Variants in GPATCH8 observed in about 807,000 individuals in gnomAD.
GPATCH8 encodes G patch domain-containing protein 8.
Under a neutral mutation model 118.3 loss-of-function variants are expected in GPATCH8, and 18 were observed. The ratio of observed to expected loss-of-function variants is 0.15; its 90% CI spans 0.11 to 0.23. The LOEUF (loss-of-function observed/expected upper bound fraction) is 0.23. Ranked by LOEUF, GPATCH8 falls within the 10% of genes least tolerant of loss-of-function variation. The pLI, the probability that GPATCH8 is intolerant of heterozygous loss-of-function variation, is 1.00. For synonymous variants in GPATCH8, 659 were observed against 684.7 expected, an observed-to-expected ratio of 0.96 and a Z score of 0.59; for missense variants, 1,631 against 1,873.8, an observed-to-expected ratio of 0.87 and a Z score of 2.39.
In GPATCH8 at chr17:44,400,761, G is replaced by C; in HGVS notation, c.1316C>G (p.Ser439Cys). 3 of 1,613,890 alleles carry C rather than the reference G, an allele frequency of 1.9e-6. No individual in the cohort carries two copies. Among genetic ancestry groups the C allele is most frequent in the Non-Finnish European group, 2.5e-6 (3 of 1,179,788 alleles). The change falls in exon 8 of 8, where the codon TCT becomes TGT. Residue 439 changes from serine to cysteine, a missense_variant. Physicochemically the swap from Ser to Cys is moderately radical, Grantham distance 112 (BLOSUM62 -1). This residue lies in a region of GPATCH8 where 405 missense variants were observed against 462.7 expected (regional missense o/e 0.88). Transcript: ENST00000591680. Reference protein sequence around the residue: ...KNAPESKKGSSPKPKSCIKAA... With the variant: ...KNAPESKKGSCPKPKSCIKAA... Reference sequence around the variant, plus strand: ...CTTGATGCAGCTTTTAGGCTTGGGAGAACTGCCTTTTTTACTCTCTGGGGC... The same window carrying C: ...CTTGATGCAGCTTTTAGGCTTGGGACAACTGCCTTTTTTACTCTCTGGGGC...
chr17:44,469,159 C>T (rs1195638893), intron 2 of GPATCH8, among the ~76,000 whole-genome samples: 2 of 152,052 alleles, frequency 1.3e-5, no homozygotes, highest in Admixed American at 6.6e-5. Flanking sequence ...CTAATAAACA[C>T]GTGAGAAAAG....
In GPATCH8 at chr17:44,400,455, A is replaced by C. The variant is rs1020860641; in HGVS notation, c.1622T>G (p.Leu541Trp). The part of the protein sequence containing the change: ...KHPTGPFFPV[L>W]SKDESTALQW... ...GAGGGCAGTGCTTTCATCTTTGCTC[A>C]AAACTGGGAAGAAGGGACCAGTAGG... The change falls in exon 8 of 8, where the codon TTG (leucine) becomes TGG (tryptophan). Residue 541 changes from leucine to tryptophan, a missense_variant. Physicochemically the swap from Leu to Trp is moderately conservative, Grantham distance 61. Transcript: ENST00000591680. 4 of 1,614,094 alleles carry C rather than the reference A, an allele frequency of 2.5e-6. No individual in the cohort carries two copies. The highest frequency in any genetic ancestry group is 3.4e-6 in the Non-Finnish European group (4 of 1,180,026).
chr17:44,424,013 G>A (rs565459647), intron 6 of GPATCH8, among the ~76,000 whole-genome samples: 2 of 152,218 alleles, frequency 1.3e-5, no homozygotes, highest in East Asian at 3.9e-4. Flanking sequence ...AAAGTTTAAC[G>A]CGTTAAGAGC....
chr17:44,476,941 T>C (rs1487392069), intron 1 of GPATCH8, among the ~76,000 whole-genome samples: 1 of 152,192 alleles, frequency 6.6e-6, no homozygotes, highest in African/African-American at 2.4e-5. Flanking sequence ...AAAATATCAA[T>C]TTTCTGGTTC....
chr17:44,447,460 A>C (rs2050930826), intron 3 of GPATCH8, among the ~76,000 whole-genome samples: 1 of 152,086 alleles, frequency 6.6e-6, no homozygotes, highest in Admixed American at 6.6e-5. Context: ...CCCAGCCAAT[A>C]AACTTCTTCC....
Position 44,411,818 on chromosome 17 carries a change from G to A in GPATCH8, c.493-5767C>T, listed in dbSNP as rs12450343. On this transcript the variant is annotated intron_variant, in intron 6 of 7. Coordinates refer to ENST00000591680, the MANE Select transcript of GPATCH8 (RefSeq NM_001002909.4). ...TGCGCAGTAAATATTTATCAAACTG[G>A]GTTGTGGCTCACACCTGTACTCTCA... Among the ~76,000 whole-genome samples the A allele has an allele frequency of 4.3e-3, 662 of 152,194 alleles. 10 individuals are homozygous for A. The highest frequency in any genetic ancestry group is 0.015 in the African/African-American group (609 of 41,506).
chr17:44,500,773 GACTTGTTTTCAAGTATAGTCAGTGGCTTC>G (rs1969998282), intron 1 of GPATCH8, among the ~76,000 whole-genome samples: 1 of 152,194 alleles, frequency 6.6e-6, no homozygotes, highest in Non-Finnish European at 1.5e-5. Flanking sequence ...AACCTACTAT[GACTTGTTTTCAAGTATAGTCAGTGGCTTC>G]ACCCAAAACC....
chr17:44,439,093 CAACT>C (rs1380223644), intron 3 of GPATCH8, among the ~76,000 whole-genome samples: 10 of 152,136 alleles, frequency 6.6e-5, no homozygotes, highest in Non-Finnish European at 1.3e-4. Context: ...TCTATCAGAT[CAACT>C]AACTGGACAG....
intron 1 of GPATCH8, among the ~76,000 whole-genome samples, chr17:44,501,383 C>T (rs1317168723): frequency 6.6e-6 from 1 of 151,374 alleles, no homozygotes; most frequent in Non-Finnish European, 1.5e-5. Flanking sequence ...TGCCACTGCA[C>T]TCCAGCCTGG....
chr17:44,464,322 A>C lies in GPATCH8; in HGVS notation c.193+150T>G, dbSNP rs542636043. On this transcript the variant is annotated intron_variant, in intron 3 of 7. Transcript: ENST00000591680. The stretch of plus-strand genomic sequence containing the variant: ...GAGGCTTAACAGTGACTTAAAATAC[A>C]GTTATAGGACAAACAGACTACTCTA... 8.3e-6 allele frequency: 6 copies of C among 720,752 alleles called. 1 individual carries two copies. Among genetic ancestry groups the C allele is most frequent in the South Asian group, 5.9e-5 (4 of 67,576 alleles). The allele number at this position is 720,752 out of a possible 1,614,324, so 44.6% of individuals were successfully genotyped here.
In GPATCH8 at chr17:44,398,536, G is replaced by A. The variant is rs781095041; in HGVS notation, c.3541C>T (p.Pro1181Ser). The A allele has an allele frequency of 6.3e-7, 1 of 1,592,218 alleles. No individual in the cohort carries two copies. The change falls in exon 8 of 8, where the codon CCC (proline) becomes TCC (serine). Residue 1181 changes from proline (P) to serine (S), a missense_variant. This residue lies in a region of GPATCH8 where 922 missense variants were observed against 879.7 expected (regional missense o/e 1.05). Coordinates refer to ENST00000591680, the MANE Select transcript of GPATCH8 (RefSeq NM_001002909.4). ...AATAGGGCATCACTACTCCCTGGGG[G>A]CCCCTCTTCTGTCTCTGACTGTTCT... ...EQEQSETEEGPPGSSDALFGH... is the reference protein window; with the variant it reads ...EQEQSETEEGSPGSSDALFGH...
intron 2 of GPATCH8, among the ~76,000 whole-genome samples, chr17:44,468,971 G>A (rs1423251759): frequency 6.6e-6 from 1 of 152,118 alleles, no homozygotes; most frequent in Non-Finnish European, 1.5e-5. Context: ...CAAAATGGTG[G>A]CTGTGCGGCC....
chr17:44,490,843 T>G (rs577558706), intron 1 of GPATCH8, among the ~76,000 whole-genome samples: 1 of 152,318 alleles, frequency 6.6e-6, no homozygotes, highest in East Asian at 1.9e-4. Context: ...AAGTCAAGGA[T>G]TCTACTTCCA....
rs774440476 is a variant in GPATCH8, at chr17:44,396,346, T to C, written c.*1222A>G. 29 of 454,362 alleles carry C rather than the reference T, an allele frequency of 6.4e-5. No individual in the cohort carries two copies. The highest frequency in any genetic ancestry group is 2.5e-4 in the South Asian group (16 of 64,480). 28.1% of individuals were successfully genotyped at this position (454,362 alleles called of 1,614,324 possible). A position where few individuals can be genotyped will look rare whatever the true frequency, so the allele number is the denominator to read the frequency against. The stretch of plus-strand genomic sequence containing the variant: ...CTCTGTGTAAAACAGCAAAAGTACA[T>C]GAGGGAGACTGTTAAAGATGAGCAT... On this transcript the variant is annotated 3_prime_UTR_variant, in exon 8 of 8. Transcript: ENST00000591680.
chr17:44,478,360 C>G (rs1967935240), intron 1 of GPATCH8, among the ~76,000 whole-genome samples: 1 of 152,058 alleles, frequency 6.6e-6, no homozygotes, highest in South Asian at 2.1e-4. Context: ...TTTAATGATA[C>G]AGGAATAAAC....
chr17:44,468,100 T>C (rs1966945906), intron 2 of GPATCH8, among the ~76,000 whole-genome samples: 1 of 151,644 alleles, frequency 6.6e-6, no homozygotes, highest in African/African-American at 2.4e-5. Context: ...CCTGAGTAGC[T>C]GGGACTACAG....
rs773145208 is a variant in GPATCH8 at position 44,401,241 on chromosome 17, G to T, written c.836C>A (p.Ala279Asp). 1 of 1,613,762 alleles carries T rather than the reference G, an allele frequency of 6.2e-7. No individual in the cohort carries two copies. Among genetic ancestry groups the T allele is most frequent in the East Asian group, 2.2e-5 (1 of 44,884 alleles). Residue 279 changes from alanine (A) to aspartate (D), a missense_variant, in exon 8 of 8, where the codon GCC becomes GAC. Physicochemically the swap from Ala to Asp is moderately radical, Grantham distance 126. Around this residue, in one of 8 missense-constraint regions of GPATCH8, gnomAD observed 405 missense variants for 462.7 expected, o/e 0.88. Transcript: ENST00000591680. ...AATGCCAAAGCTGATGCCTTGGGAG[G>T]CTAACCCAGGAGCCTGGGCCAGTCC... ...TTGLAQAPGL[A>D]SQGISFGIKN...
intron 1 of GPATCH8, among the ~76,000 whole-genome samples, chr17:44,477,896 G>A (rs1321202461): frequency 6.6e-6 from 1 of 151,986 alleles, no homozygotes; most frequent in Non-Finnish European, 1.5e-5. Flanking sequence ...TGCAAACAAG[G>A]CCTCCCAGAT....
intron 1 of GPATCH8, among the ~76,000 whole-genome samples, chr17:44,497,905 C>CTCTA (rs1969785823): frequency 6.6e-6 from 1 of 151,710 alleles, no homozygotes; most frequent in African/African-American, 2.4e-5. Flanking sequence ...CACAACTGTA[C>CTCTA]TCTAGCCTGG....
Sources: allele counts gnomAD v4.1 joint callset (sites outside exome capture counted in the v4.1 genomes callset), GRCh38; gene constraint gnomAD v4.1.1; regional missense constraint gnomAD v4.1.1; transcripts MANE v1.5; gene names NCBI Gene and HGNC (gene_info 2026-07-23, HGNC 2026-07-21).